Variants in RPN1 observed in about 807,000 individuals in gnomAD.
RPN1 encodes the protein ribophorin I.
Under a neutral mutation model 55.5 loss-of-function variants are expected in RPN1, and 12 were observed. That is an observed-to-expected ratio of 0.22 (90% CI 0.14 to 0.35). The LOEUF (loss-of-function observed/expected upper bound fraction) is 0.35. Ranked by LOEUF, RPN1 falls within the 10% of genes least tolerant of loss-of-function variation. The pLI, the probability that RPN1 is intolerant of heterozygous loss-of-function variation, is 1.00. For missense variants in RPN1, 679 were observed against 761.3 expected (o/e 0.89, Z 1.27); for synonymous variants, 317 against 305.9 (o/e 1.04, Z -0.38).
At chr3:128,626,648 C>A in intron 6 of RPN1, 85 bp downstream of exon 6, 2 of 1,147,630 alleles carry the variant, frequency 1.7e-6, no homozygotes, top group South Asian at 1.2e-5. Flanking sequence ...AAAGACTGTG[C>A]CCCTAGAACA....
chr3:128,622,307 C>T lies in RPN1; in HGVS notation c.1498G>A (p.Val500Ile), dbSNP rs769098992. The change falls in exon 9 of 10, where the codon GTC becomes ATC. Residue 500 changes from valine (V) to isoleucine (I), a missense_variant. Around this residue, in one of 3 missense-constraint regions of RPN1, gnomAD observed 306 missense variants for 360.0 expected, o/e 0.85. Coordinates refer to ENST00000296255, the MANE Select transcript of RPN1 (RefSeq NM_002950.4). The stretch of plus-strand genomic sequence containing the variant: ...TCCCGGGATTGCTTGTACCTATTGA[C>T]GGTCTCGTCAAAGTGACGGTAAAGG... ...IGLYRHFDET[V>I]NRYKQSRDIS... 3.0e-5 allele frequency: 48 copies of T among 1,614,206 alleles called. No homozygotes were observed. The highest frequency in any genetic ancestry group is 1.7e-5 in the Admixed American group (1 of 60,022).
intron 2 of RPN1, among the ~76,000 whole-genome samples, chr3:128,643,198 A>G (rs2069740639): frequency 6.8e-6 from 1 of 147,964 alleles, no homozygotes; most frequent in Admixed American, 6.8e-5. Context: ...GTGGTAGCGG[A>G]CGCCTATAAT....
In RPN1 at chr3:128,629,956, T is replaced by A. The variant is rs1194919279; in HGVS notation, c.1031A>T (p.Asn344Ile). Reference sequence around the variant, plus strand: ...CCTTACTATTGAAGACTGACCCAAATTATAGAGGTACTCATAGCTTGGGAG... The same window carrying A: ...CCTTACTATTGAAGACTGACCCAAAATATAGAGGTACTCATAGCTTGGGAG... The part of the protein sequence containing the change: ...YNLPSYEYLY[N>I]LGDQYALKMR... The change falls in exon 5 of 10, where the codon AAT becomes ATT. Residue 344 changes from asparagine to isoleucine, a missense_variant. Asn to Ile is a moderately radical substitution (Grantham distance 149). Coordinates refer to ENST00000296255, the MANE Select transcript of RPN1 (RefSeq NM_002950.4). 1.3e-6 allele frequency: 2 copies of A among 1,591,732 alleles called. No individual in the cohort carries two copies. Among genetic ancestry groups the A allele is most frequent in the African/African-American group, 2.7e-5 (2 of 74,336 alleles).
rs549122047 is a variant in RPN1, at chr3:128,629,422, C to T, written c.1036+529G>A. ...CTAGAAATACAAAAAATTAGCTGAG[C>T]GTGGTGGCGGGCACCTATAATCCCA... On this transcript the variant is annotated intron_variant, in intron 5 of 9. Transcript: ENST00000296255. 4.6e-5 allele frequency among the ~76,000 whole-genome samples: 7 copies of T among 152,020 alleles called. No homozygotes were observed. In the South Asian group the frequency reaches 1.0e-3, roughly 23 times the overall value.
At chr3:128,635,678 T>G (rs1435751819) in intron 3 of RPN1, among the ~76,000 whole-genome samples, 19 of 117,020 alleles carry the variant, frequency 1.6e-4, no homozygotes, top group Non-Finnish European at 2.2e-4. Context: ...TATCTATAGA[T>G]ATCTATAGAT....
At chr3:128,644,606 G>A in intron 2 of RPN1, 1 of 524,398 alleles carries the variant, frequency 1.9e-6, no homozygotes, top group South Asian at 1.5e-5. Context: ...GTTGCAGTGA[G>A]TCAACATGGC....
In RPN1 at chr3:128,625,663, G is replaced by T. The variant is rs1346070807; in HGVS notation, c.1276-10C>A. On this transcript the variant is annotated splice_polypyrimidine_tract_variant and intron_variant, in intron 7 of 9. Coordinates refer to ENST00000296255, the MANE Select transcript of RPN1 (RefSeq NM_002950.4). ...TGAACGTGTAGTGGACCTGGGAGAA[G>T]CAAGAGGACAGGCTTCATCGGGGCT... 1 of 1,613,992 alleles carries T rather than the reference G, an allele frequency of 6.2e-7. No individual in the cohort carries two copies. The highest frequency in any genetic ancestry group is 8.5e-7 in the Non-Finnish European group (1 of 1,180,028).
At chr3:128,641,609 CTT>C (rs200507415) in intron 2 of RPN1, among the ~76,000 whole-genome samples, 23,809 of 119,822 alleles carry the variant, frequency 0.2, 1,402 homozygotes, top group East Asian at 0.35. Context: ...TTTAGTGAAT[CTT>C]TTTTTTTTTT....
intron 1 of RPN1, among the ~76,000 whole-genome samples, chr3:128,646,940 T>C (rs1295940346): frequency 6.6e-6 from 1 of 150,846 alleles, no homozygotes; most frequent in Non-Finnish European, 1.5e-5. Flanking sequence ...GCCACTGCAC[T>C]CCAGCCTGGG....
In RPN1 at chr3:128,637,887, A is replaced by C; in HGVS notation, c.545T>G (p.Val182Gly). The stretch of plus-strand genomic sequence containing the variant: ...GTTCCCCAGCTTGGTGTAGCTCTCC[A>C]CATTTCGAGAGGCAAGCTTCACACG... ...TMRVKLASRN[V>G]ESYTKLGNPT... Residue 182 changes from valine to glycine, a missense_variant, in exon 3 of 10, where the codon GTG becomes GGG. Coordinates refer to ENST00000296255, the MANE Select transcript of RPN1 (RefSeq NM_002950.4). 1 of 1,614,046 alleles carries C rather than the reference A, an allele frequency of 6.2e-7. No homozygotes were observed. Among genetic ancestry groups the C allele is most frequent in the Non-Finnish European group, 8.5e-7 (1 of 1,179,994 alleles).
Position 128,650,790 on chromosome 3 carries a change from G to A in RPN1, c.11C>T (p.Pro4Leu), listed in dbSNP as rs749704337. The change falls in exon 1 of 10, where the codon CCA becomes CTA. Residue 4 changes from proline (P) to leucine (L), a missense_variant. This residue lies in a region of RPN1 where 352 missense variants were observed against 352.8 expected (regional missense o/e 1.00). Transcript: ENST00000296255. ...CAGGAGCAGAAACAAGCCGGCGGCT[G>A]GCGCCTCCATGACCGGGAAGAGCAG... is the stretch of plus-strand genomic sequence containing the variant. MEA[P>L]AAGLFLLLLL... 48 of 1,534,756 alleles carry A rather than the reference G, an allele frequency of 3.1e-5. No homozygotes were observed. Among genetic ancestry groups the A allele is most frequent in the African/African-American group, 1.7e-4 (12 of 72,620 alleles).
rs767391510 is a variant in RPN1 at position 128,650,612 on chromosome 3, C to G, written c.189G>C (p.Thr63=). The change falls in exon 1 of 10, where the codon ACG becomes ACC. Residue 63 remains threonine (T), a synonymous_variant. Coordinates refer to ENST00000296255, the MANE Select transcript of RPN1 (RefSeq NM_002950.4). ...CCAGCAGGAAAGAGGTAGCTCGGGA[C>G]GTGGAGCCGCCGCCCAGGTGCGCCA... ...VVLAHLGGGS[T]SRATSFLLAL... is the part of the protein sequence containing the mutation. 1.3e-6 allele frequency: 2 copies of G among 1,550,840 alleles called. No homozygotes were observed. Among genetic ancestry groups the G allele is most frequent in the African/African-American group, 1.4e-5 (1 of 73,230 alleles).
intron 1 of RPN1, among the ~76,000 whole-genome samples, chr3:128,645,794 T>C (rs1291367253): frequency 6.6e-6 from 1 of 152,104 alleles, no homozygotes; most frequent in African/African-American, 2.4e-5. Context: ...CACTCTAGCC[T>C]GGGTGACAGA....
chr3:128,622,280 T>A lies in RPN1; in HGVS notation c.1525A>T (p.Ile509Phe). Residue 509 changes from isoleucine to phenylalanine, a missense_variant, in exon 9 of 10, where the codon ATC (isoleucine) becomes TTC (phenylalanine). Ile to Phe is a conservative substitution (Grantham distance 21). Around this residue, in one of 3 missense-constraint regions of RPN1, gnomAD observed 306 missense variants for 360.0 expected, o/e 0.85. Transcript: ENST00000296255. ...TVNRYKQSRDISTLNSGKKSL... is the reference protein window; with the variant it reads ...TVNRYKQSRDFSTLNSGKKSL... ...TTCTTGCCACTGTTGAGGGTGGAGATGTCCCGGGATTGCTTGTACCTATTG... is the reference window on the plus strand; with the variant it reads ...TTCTTGCCACTGTTGAGGGTGGAGAAGTCCCGGGATTGCTTGTACCTATTG... 1 of 1,614,212 alleles carries A rather than the reference T, an allele frequency of 6.2e-7. No homozygotes were observed. Among genetic ancestry groups the A allele is most frequent in the Non-Finnish European group, 8.5e-7 (1 of 1,180,040 alleles).
At position 128,626,000 on chromosome 3, in the gene RPN1, A is replaced by G; in HGVS notation, c.1149T>C (p.Ile383=). 6.2e-7 allele frequency: 1 copy of G among 1,601,906 alleles called. No individual in the cohort carries two copies. The highest frequency in any genetic ancestry group is 8.5e-7 in the Non-Finnish European group (1 of 1,175,404). The change falls in exon 7 of 10, where the codon ATT becomes ATC. Residue 383 remains isoleucine (I), a synonymous_variant. Coordinates refer to ENST00000296255, the MANE Select transcript of RPN1 (RefSeq NM_002950.4). ...CACGGCTGATTTCATAGGGACTATC[A>G]ATTTCAATGTTCCTGGAAGAAGATG... ...ILPEGAKNIE[I]DSPYEISRAP...
intron 3 of RPN1, among the ~76,000 whole-genome samples, chr3:128,635,610 GAGATATATATATATATATATATATATAT>G (rs759543882): frequency 1.7e-3 from 100 of 59,042 alleles, no homozygotes; most frequent in African/African-American, 7.2e-3. Flanking sequence ...CCTATAACTT[GAGATATATATATATATATATATATATAT>G]AGATATATAT....
At chr3:128,631,787 T>C (rs1439510100) in intron 4 of RPN1, among the ~76,000 whole-genome samples, 161 bp downstream of exon 4, 1 of 152,104 alleles carries the variant, frequency 6.6e-6, no homozygotes, top group Non-Finnish European at 1.5e-5. Context: ...GGGGGGGTAT[T>C]TTTTAAGATT....
chr3:128,631,196 G>A (rs1190607951), intron 4 of RPN1, among the ~76,000 whole-genome samples: 3 of 152,142 alleles, frequency 2.0e-5, no homozygotes, highest in Admixed American at 6.6e-5. Flanking sequence ...CAAGGCGGCC[G>A]GGCGCGGTGG....
intron 3 of RPN1, among the ~76,000 whole-genome samples, chr3:128,635,690 TAC>T (rs71153135): frequency 0.25 from 34,215 of 137,732 alleles, 4,439 homozygotes; most frequent in African/African-American, 0.27. Context: ...TCTATAGATA[TAC>T]ACACACACAC....
Sources: gnomAD v4.1 joint callset for allele counts (sites outside exome capture counted in the v4.1 genomes callset) on GRCh38, gnomAD v4.1.1 for gene constraint, gnomAD v4.1.1 regional missense constraint, MANE v1.5 for transcripts, NCBI Gene and HGNC (gene_info 2026-07-23, HGNC 2026-07-21) for gene names.